Variants in SNTG1 observed in about 807,000 individuals in gnomAD.
SNTG1 encodes the protein gamma-1-syntrophin.
Under a neutral mutation model 74.7 loss-of-function variants are expected in SNTG1, and 39 were observed. That is an observed-to-expected ratio of 0.52 (90% CI 0.40 to 0.68). The LOEUF (loss-of-function observed/expected upper bound fraction) is 0.68, where lower values mean the gene tolerates loss of function less well. Ranked by LOEUF, SNTG1 falls within the 30% of genes least tolerant of loss-of-function variation. SNTG1 has a pLI of 0.00. For synonymous variants in SNTG1, 254 were observed against 217.1 expected, an observed-to-expected ratio of 1.17 and a Z score of -1.49; for missense variants, 685 against 609.5, an observed-to-expected ratio of 1.12 and a Z score of -1.30.
At chr8:50,563,353 C>T (rs1186721595) in intron 12 of SNTG1, among the ~76,000 whole-genome samples, 2 of 152,152 alleles carry the variant, frequency 1.3e-5, no homozygotes, top group Non-Finnish European at 2.9e-5. Flanking sequence ...GAGAAAAACA[C>T]ATTTAGCTAC....
chr8:50,381,317 T>C (rs1286496730), intron 2 of SNTG1, among the ~76,000 whole-genome samples: 1 of 151,884 alleles, frequency 6.6e-6, no homozygotes. Context: ...TTATAAACTA[T>C]GTAATTGTTC....
At chr8:50,497,723 T>A (rs2093916649) in intron 8 of SNTG1, among the ~76,000 whole-genome samples, 1 of 152,012 alleles carries the variant, frequency 6.6e-6, no homozygotes, top group Non-Finnish European at 1.5e-5. Context: ...TCATTTACCC[T>A]AAAAGTTTAA....
At chr8:50,341,795 A>G (rs1382009107) in intron 2 of SNTG1, among the ~76,000 whole-genome samples, 1 of 152,014 alleles carries the variant, frequency 6.6e-6, no homozygotes, top group Non-Finnish European at 1.5e-5. Context: ...ACTGATATTG[A>G]GAGTCTTAAT....
At chr8:50,517,158 A>G (rs1188928030) in intron 9 of SNTG1, among the ~76,000 whole-genome samples, 1 of 152,356 alleles carries the variant, frequency 6.6e-6, no homozygotes, top group African/African-American at 2.4e-5. Context: ...CTTAAAGAAA[A>G]GAATTTTCAA....
intron 9 of SNTG1, among the ~76,000 whole-genome samples, chr8:50,514,048 T>C (rs778212784): frequency 6.6e-6 from 1 of 152,222 alleles, no homozygotes; most frequent in Non-Finnish European, 1.5e-5. Flanking sequence ...TATTTGGCCA[T>C]CTTGGCTCCC....
intron 17 of SNTG1, among the ~76,000 whole-genome samples, chr8:50,742,707 A>T (rs1462834319): frequency 1.3e-5 from 2 of 151,828 alleles, no homozygotes. Flanking sequence ...AATAAAATAG[A>T]TACTAGAAAG....
chr8:49,994,555 G>A (rs1297823267), intron 1 of SNTG1, among the ~76,000 whole-genome samples: 4 of 151,652 alleles, frequency 2.6e-5, no homozygotes, highest in South Asian at 2.1e-4. Context: ...GTGAGCCACC[G>A]TGCCTGGCCA....
chr8:50,256,303 G>T (rs964376926), intron 2 of SNTG1, among the ~76,000 whole-genome samples: 2 of 151,732 alleles, frequency 1.3e-5, no homozygotes, highest in African/African-American at 4.8e-5. Context: ...TTTAAGAGAT[G>T]AAAAATAAAG....
intron 13 of SNTG1, chr8:50,643,873 C>T (rs888192243): frequency 9.8e-5 from 15 of 152,290 alleles, no homozygotes; most frequent in African/African-American, 2.6e-4. Context: ...ACATGGGTGT[C>T]GCAGAGTATC....
intron 18 of SNTG1, among the ~76,000 whole-genome samples, chr8:50,785,318 G>C (rs1434036177): frequency 1.3e-5 from 2 of 151,602 alleles, no homozygotes; most frequent in African/African-American, 2.4e-5. Context: ...GCGAGAGAGA[G>C]AATATTCAAA....
At chr8:49,994,934 A>T (rs1420967293) in intron 1 of SNTG1, among the ~76,000 whole-genome samples, 1 of 152,208 alleles carries the variant, frequency 6.6e-6, no homozygotes, top group Admixed American at 6.5e-5. Flanking sequence ...GGGTCTTATA[A>T]TTAACAGAAT....
At chr8:50,587,782 A>G (rs2094661359) in intron 12 of SNTG1, among the ~76,000 whole-genome samples, 1 of 149,944 alleles carries the variant, frequency 6.7e-6, no homozygotes, top group South Asian at 2.1e-4. Context: ...GGGGGACGAG[A>G]GTGAGACTTC....
At chr8:49,946,311 T>C (rs1157608563) in intron 1 of SNTG1, among the ~76,000 whole-genome samples, 1 of 152,176 alleles carries the variant, frequency 6.6e-6, no homozygotes, top group Non-Finnish European at 1.5e-5. Flanking sequence ...CTGGATAAAA[T>C]ATTGTAAATA....
chr8:50,201,372 A>C (rs2131842495), intron 2 of SNTG1, among the ~76,000 whole-genome samples: 1 of 152,330 alleles, frequency 6.6e-6, no homozygotes, highest in South Asian at 2.1e-4. Context: ...TGAAAAGATA[A>C]CACAAAGAGT....
At chr8:50,625,194 A>C (rs2094948680) in intron 13 of SNTG1, among the ~76,000 whole-genome samples, 3 of 152,216 alleles carry the variant, frequency 2.0e-5, no homozygotes, top group Admixed American at 6.5e-5. Context: ...ACAGCACATG[A>C]AGGTGAAGAA....
chr8:50,638,101 G>C lies in SNTG1; in HGVS notation c.850-18808G>C, dbSNP rs116357286. ...GAAGTTGGGTAGAGATGTTACACTG[G>C]TGGCTTTCCAGATGGAAGAAGAAGA... On this transcript the variant is annotated intron_variant, in intron 13 of 18. Transcript: ENST00000642720. Among the ~76,000 whole-genome samples the C allele has an allele frequency of 5.2e-3, 798 of 152,198 alleles. 5 individuals carry two copies. The highest frequency in any genetic ancestry group is 0.018 in the African/African-American group (765 of 41,560).
chr8:50,181,770 TG>T (rs1210508400), intron 2 of SNTG1, among the ~76,000 whole-genome samples: 1 of 152,208 alleles, frequency 6.6e-6, no homozygotes, highest in Non-Finnish European at 1.5e-5. Context: ...CAAAGTTATA[TG>T]CTTTTGAAAT....
intron 15 of SNTG1, among the ~76,000 whole-genome samples, chr8:50,688,270 A>G (rs1210682227): frequency 1.3e-5 from 2 of 152,042 alleles, no homozygotes; most frequent in East Asian, 3.9e-4. Context: ...ATTAGATCCC[A>G]TTTGTCAATT....
chr8:50,215,496 A>G (rs1333052396), intron 2 of SNTG1, among the ~76,000 whole-genome samples: 1 of 148,384 alleles, frequency 6.7e-6, no homozygotes, highest in Non-Finnish European at 1.5e-5. Flanking sequence ...TATATAGACT[A>G]TAGGCATAGA....
Sources: allele counts gnomAD v4.1 joint callset (sites outside exome capture counted in the v4.1 genomes callset), GRCh38; gene constraint gnomAD v4.1.1; transcripts MANE v1.5; gene names NCBI Gene and HGNC (gene_info 2026-07-23, HGNC 2026-07-21).